The following DCLRE1B variants were observed in gnomAD, a reference collection of about 807,000 sequenced individuals.
DCLRE1B encodes the protein DNA cross-link repair 1B.
A neutral mutation model predicts 19.8 loss-of-function variants in DCLRE1B; 6 were observed. The observed-to-expected ratio is 0.30, with a 90% CI of 0.17 to 0.60. The LOEUF is 0.60. DCLRE1B is among the 20% of genes least tolerant of loss of function. The pLI, the probability that DCLRE1B is intolerant of heterozygous loss-of-function variation, is 0.87. For synonymous variants in DCLRE1B, 258 were observed against 255.7 expected (o/e 1.01, Z -0.09); for missense variants, 622 against 654.2 (o/e 0.95, Z 0.54).
At chr1:113,906,302 C>A (rs533069117) in intron 1 of DCLRE1B, among the ~76,000 whole-genome samples, 10 of 151,990 alleles carry the variant, frequency 6.6e-5, no homozygotes, top group African/African-American at 2.4e-4. Context: ...AAGTGATCCG[C>A]CCGCCTCAGC....
In DCLRE1B at chr1:113,912,948, T is replaced by A. The variant is rs1200073438; in HGVS notation, c.*757T>A. 6.6e-6 allele frequency: 1 copy of A among 152,546 alleles called. No individual in the cohort carries two copies. Among genetic ancestry groups the A allele is most frequent in the African/African-American group, 2.4e-5 (1 of 41,352 alleles). 9.4% of individuals were successfully genotyped at this position (152,546 alleles called of 1,614,324 possible). On this transcript the variant is annotated 3_prime_UTR_variant, in exon 4 of 4. Coordinates refer to ENST00000650450, the MANE Select transcript of DCLRE1B (RefSeq NM_022836.4). Reference sequence around the variant, plus strand: ...CCCAGCTGAACAACAAGGCTTTGGGTGTGAAGGGACTCCCCAGCCTGGAGA... The same window carrying A: ...CCCAGCTGAACAACAAGGCTTTGGGAGTGAAGGGACTCCCCAGCCTGGAGA...
At position 113,913,384 on chromosome 1, in the gene DCLRE1B, A is replaced by G. The variant is rs1163720605; in HGVS notation, c.*1193A>G. 2 of 152,766 alleles carry G rather than the reference A, an allele frequency of 1.3e-5. No homozygotes were observed. Among genetic ancestry groups the G allele is most frequent in the African/African-American group, 4.8e-5 (2 of 41,446 alleles). The allele number at this position is 152,766 out of a possible 1,614,324, so 9.5% of individuals were successfully genotyped here. Reference sequence around the variant, plus strand: ...ATTTAAAAGAGTTTTCTGCTTTGAGAGAGAAATAGAGAGTTTAGAAAGCAA... The same window carrying G: ...ATTTAAAAGAGTTTTCTGCTTTGAGGGAGAAATAGAGAGTTTAGAAAGCAA... On this transcript the variant is annotated 3_prime_UTR_variant, in exon 4 of 4. Transcript: ENST00000650450.
intron 3 of DCLRE1B, among the ~76,000 whole-genome samples, chr1:113,910,518 A>C (rs1302637100): frequency 4.0e-5 from 6 of 151,584 alleles, no homozygotes; most frequent in African/African-American, 1.5e-4. Context: ...GTTTTTTTTT[A>C]AGAGACAGGG....
At chr1:113,911,058 A>C in intron 3 of DCLRE1B, 73 bp from the exon 4 acceptor site, 3 of 1,384,966 alleles carry the variant, frequency 2.2e-6, no homozygotes, top group Non-Finnish European at 3.0e-6. Flanking sequence ...CATTTTGTTG[A>C]TTTATTAGGA....
At chr1:113,909,935 T>C (rs1669194066) in intron 3 of DCLRE1B, among the ~76,000 whole-genome samples, 1 of 152,198 alleles carries the variant, frequency 6.6e-6, no homozygotes, top group African/African-American at 2.4e-5. Flanking sequence ...TGGATATAAA[T>C]AATATATACT....
intron 2 of DCLRE1B, 43 bp downstream of exon 2, chr1:113,907,204 G>GTTTTGTTTTTTTTTT (rs1669055897): frequency 2.1e-6 from 1 of 465,988 alleles, no homozygotes; most frequent in African/African-American, 5.9e-5. Context: ...CAGACTAGAT[G>GTTTTGTTTTTTTTTT]TTTTTTTTTT....
At position 113,905,437 on chromosome 1, in the gene DCLRE1B, A is replaced by G; in HGVS notation, c.-150A>G. ...ACTTCCTTTTTCTGCCCACTCTGGT[A>G]ACTTATTGCTCTGCTGGGCTCTTTC... On this transcript the variant is annotated 5_prime_UTR_variant, in exon 1 of 4. Coordinates refer to ENST00000650450, the MANE Select transcript of DCLRE1B (RefSeq NM_022836.4). 1 of 763,032 alleles carries G rather than the reference A, an allele frequency of 1.3e-6. No individual in the cohort carries two copies. Among genetic ancestry groups the G allele is most frequent in the Non-Finnish European group, 2.1e-6 (1 of 475,506 alleles). 47.3% of individuals were successfully genotyped at this position (763,032 alleles called of 1,614,324 possible).
In DCLRE1B at chr1:113,912,204, A is replaced by G. The variant is rs1320962879; in HGVS notation, c.*13A>G. 6.3e-7 allele frequency: 1 copy of G among 1,586,808 alleles called. No individual in the cohort carries two copies. The stretch of plus-strand genomic sequence containing the variant: ...TAAACCCTGCTGAAGACAGGAGAGT[A>G]CAGAATGACAACATTGAGCCCACAC... On this transcript the variant is annotated 3_prime_UTR_variant, in exon 4 of 4. Coordinates refer to ENST00000650450, the MANE Select transcript of DCLRE1B (RefSeq NM_022836.4).
chr1:113,908,065 C>G lies in DCLRE1B; in HGVS notation c.412C>G (p.Gln138Glu), dbSNP rs777485898. The change falls in exon 3 of 4, where the codon CAG (glutamine) becomes GAG (glutamate). Residue 138 changes from glutamine (Q) to glutamate (E), a missense_variant. By Grantham distance (29) the Gln-to-Glu change is conservative. Around this residue, in one of 3 missense-constraint regions of DCLRE1B, gnomAD observed 237 missense variants for 223.8 expected, o/e 1.06. Coordinates refer to ENST00000650450, the MANE Select transcript of DCLRE1B (RefSeq NM_022836.4). ...LKEPALTLGK[Q>E]IHTLYLDNTN... is the part of the protein sequence containing the mutation. ...GGAGCCAGCCCTGACACTGGGGAAA[C>G]AGATCCATACTTTATACCTAGACAA... 11 of 1,614,176 alleles carry G rather than the reference C, an allele frequency of 6.8e-6. No individual in the cohort carries two copies. The South Asian group carries it at 1.2e-4, about 18-fold the overall frequency.
intron 2 of DCLRE1B, 116 bp from the exon 3 acceptor site, chr1:113,907,893 A>G (rs1669098222): frequency 8.7e-7 from 1 of 1,150,566 alleles, no homozygotes. Context: ...GCCAGGCTAC[A>G]TAATAGTTTT....
At position 113,913,393 on chromosome 1, in the gene DCLRE1B, G is replaced by T. The variant is rs1669336270; in HGVS notation, c.*1202G>T. 1 of 152,774 alleles carries T rather than the reference G, an allele frequency of 6.5e-6. No homozygotes were observed. Among genetic ancestry groups the T allele is most frequent in the Non-Finnish European group, 1.5e-5 (1 of 68,040 alleles). The allele number at this position is 152,774 out of a possible 1,614,324, so 9.5% of individuals were successfully genotyped here. On this transcript the variant is annotated 3_prime_UTR_variant, in exon 4 of 4. Coordinates refer to ENST00000650450, the MANE Select transcript of DCLRE1B (RefSeq NM_022836.4). ...AGTTTTCTGCTTTGAGAGAGAAATAGAGAGTTTAGAAAGCAATTGCTCTTG... is the reference window on the plus strand; with the variant it reads ...AGTTTTCTGCTTTGAGAGAGAAATATAGAGTTTAGAAAGCAATTGCTCTTG...
chr1:113,905,790 T>G lies in DCLRE1B; in HGVS notation c.189+15T>G. 1.1e-5 allele frequency: 17 copies of G among 1,602,310 alleles called. No individual in the cohort carries two copies. The highest frequency in any genetic ancestry group is 1.4e-5 in the Non-Finnish European group (17 of 1,172,426). Reference sequence around the variant, plus strand: ...GTCACCTACAGGTATGGGGCTGGAGTCGGTCTCCGAGAGCTGGTCCAGGCA... The same window carrying G: ...GTCACCTACAGGTATGGGGCTGGAGGCGGTCTCCGAGAGCTGGTCCAGGCA... On this transcript the variant is annotated intron_variant, in intron 1 of 3. Transcript: ENST00000650450.
intron 3 of DCLRE1B, among the ~76,000 whole-genome samples, chr1:113,908,711 T>G (rs965136792): frequency 6.6e-6 from 1 of 152,234 alleles, no homozygotes; most frequent in Non-Finnish European, 1.5e-5. Flanking sequence ...TTTCATTTTT[T>G]TATAGCACTC....
At chr1:113,906,319 A>G (rs569595220) in intron 1 of DCLRE1B, among the ~76,000 whole-genome samples, 68 of 151,752 alleles carry the variant, frequency 4.5e-4, no homozygotes, top group African/African-American at 1.5e-3. Context: ...CAGCCTCCCC[A>G]AGTGCTGGGA....
chr1:113,904,648 C>A (rs1335093371), upstream of DCLRE1B: 1 of 1,613,684 alleles, frequency 6.2e-7, no homozygotes, highest in Non-Finnish European at 8.5e-7. Context: ...AGCCTATCAG[C>A]TTGAATGTGA....
In DCLRE1B at chr1:113,908,268, A is replaced by G. The variant is rs578183342; in HGVS notation, c.538+77A>G. ...CTTTAAGGATTCTCACATCTTTCAG[A>G]TCTTTGTGCAGTTCTCACTTTCTCC... On this transcript the variant is annotated intron_variant, in intron 3 of 3. Coordinates refer to ENST00000650450, the MANE Select transcript of DCLRE1B (RefSeq NM_022836.4). 19 of 1,537,164 alleles carry G rather than the reference A, an allele frequency of 1.2e-5. No individual in the cohort carries two copies. In the African/African-American group the frequency reaches 2.5e-4, roughly 20 times the overall value.
intron 1 of DCLRE1B, among the ~76,000 whole-genome samples, chr1:113,906,675 A>G (rs1669002623): frequency 6.7e-6 from 1 of 150,246 alleles, no homozygotes; most frequent in Admixed American, 6.6e-5. Context: ...TGTATTTTTT[A>G]GTAGAGACGG....
In DCLRE1B at chr1:113,907,216, T is replaced by A. The variant is rs535447114; in HGVS notation, c.355+55T>A. ...CTCCAGACTAGATGTTTTTTTTTTT[T>A]TTTTTTTTTTTTTTTTTTAATGTAT... On this transcript the variant is annotated intron_variant, in intron 2 of 3. Coordinates refer to ENST00000650450, the MANE Select transcript of DCLRE1B (RefSeq NM_022836.4). 2.9e-3 allele frequency: 3,347 copies of A among 1,169,674 alleles called. 17 individuals carry two copies. The highest frequency in any genetic ancestry group is 0.011 in the East Asian group (355 of 33,782). 72.5% of individuals were successfully genotyped at this position (1,169,674 alleles called of 1,614,324 possible).
Position 113,911,763 on chromosome 1 carries a change from C to A in DCLRE1B, c.1171C>A (p.His391Asn). The change falls in exon 4 of 4, where the codon CAC (histidine) becomes AAC (asparagine). Residue 391 changes from histidine (H) to asparagine (N), a missense_variant. This residue lies in a region of DCLRE1B where 382 missense variants were observed against 412.5 expected (regional missense o/e 0.93). Coordinates refer to ENST00000650450, the MANE Select transcript of DCLRE1B (RefSeq NM_022836.4). ...TGCGGACCTTGAAAAGCAGCCTTCC[C>A]ACCATCCTTTGCGGATCAAGAAGCA... ...WPADLEKQPS[H>N]HPLRIKKQLF... The A allele has an allele frequency of 6.2e-7, 1 of 1,614,192 alleles. No homozygotes were observed. The highest frequency in any genetic ancestry group is 8.5e-7 in the Non-Finnish European group (1 of 1,180,042).
Sources: allele counts gnomAD v4.1 joint callset (sites outside exome capture counted in the v4.1 genomes callset), GRCh38; gene constraint gnomAD v4.1.1; regional missense constraint gnomAD v4.1.1; transcripts MANE v1.5; gene names NCBI Gene and HGNC (gene_info 2026-07-23, HGNC 2026-07-21).